The following AKAP12 variants were observed in gnomAD, a reference collection of about 807,000 sequenced individuals.
The protein encoded by AKAP12 is A-kinase anchor protein 12.
AKAP12 carries 32 observed loss-of-function variants against 79.9 expected under a neutral mutation model. The ratio of observed to expected loss-of-function variants is 0.40; its 90% confidence interval spans 0.30 to 0.54. AKAP12 has a LOEUF of 0.54. Ranked by LOEUF, AKAP12 falls within the 20% of genes least tolerant of loss-of-function variation. The pLI, the probability that AKAP12 is intolerant of heterozygous loss-of-function variation, is 0.48. For missense variants in AKAP12, 2,074 were observed against 2,177.0 expected (o/e 0.95, Z 0.94); for synonymous variants, 808 against 857.0 (o/e 0.94, Z 1.00).
intron 2 of AKAP12, among the ~76,000 whole-genome samples, chr6:151,241,477 G>A (rs915478092): frequency 7.2e-5 from 11 of 152,236 alleles, no homozygotes; most frequent in African/African-American, 2.4e-4. Flanking sequence ...CTCAAAGGAT[G>A]GGGTCAGTGT....
At chr6:151,305,935 A>T (rs1227798931) in intron 3 of AKAP12, 32 bp downstream of exon 3, 1 of 1,573,916 alleles carries the variant, frequency 6.4e-7, no homozygotes, top group Admixed American at 1.9e-5. Flanking sequence ...TGGAAGGCAC[A>T]CAGCACTTGC....
At position 151,245,897 on chromosome 6, in the gene AKAP12, C is replaced by T. The variant is rs191117831; in HGVS notation, c.162+5173C>T. On this transcript the variant is annotated intron_variant, in intron 2 of 4. Coordinates refer to ENST00000402676, the MANE Select transcript of AKAP12 (RefSeq NM_005100.4). The stretch of plus-strand genomic sequence containing the variant: ...CACATGAAAGTAGATAAAAATGGCA[C>T]AGTCTTTTCCATTTAAGAAAAAGAT... 2.0e-5 allele frequency among the ~76,000 whole-genome samples: 3 copies of T among 152,196 alleles called. No homozygotes were observed. In the East Asian group the frequency reaches 5.8e-4, roughly 29 times the overall value.
Position 151,325,625 on chromosome 6 carries a change from G to T in AKAP12, c.319+19722G>T, listed in dbSNP as rs1315913760. On this transcript the variant is annotated intron_variant, in intron 3 of 4. Coordinates refer to ENST00000402676, the MANE Select transcript of AKAP12 (RefSeq NM_005100.4). The stretch of plus-strand genomic sequence containing the variant: ...CCCGCGTGTGGGTGGCTGGGTGGGG[G>T]CGTGGGTGGGGGTCCGCCTATAATT... 4 of 1,375,646 alleles carry T rather than the reference G, an allele frequency of 2.9e-6. No individual in the cohort carries two copies. The African/African-American group carries it at 5.9e-5, about 20-fold the overall frequency. The allele number at this position is 1,375,646 out of a possible 1,614,324, so 85.2% of individuals were successfully genotyped here. A position where few individuals can be genotyped will look rare whatever the true frequency, so the allele number is the denominator to read the frequency against.
chr6:151,333,059 C>G (rs1327842171), intron 3 of AKAP12, among the ~76,000 whole-genome samples: 1 of 152,136 alleles, frequency 6.6e-6, no homozygotes, highest in East Asian at 1.9e-4. Flanking sequence ...ATCAGTGATC[C>G]CAAATCAAAG....
At position 151,305,186 on chromosome 6, in the gene AKAP12, T is replaced by TA. The variant is rs1284129667; in HGVS notation, c.163-557dup. On this transcript the variant is annotated intron_variant, in intron 2 of 4. Transcript: ENST00000402676. Reference sequence around the variant, plus strand: ...TCAGGGCTGTTTTTTTTTTTTTTTTTAAAACCTACTTGATTCATTCTCAAG... The same window carrying TA: ...TCAGGGCTGTTTTTTTTTTTTTTTTTAAAAACCTACTTGATTCATTCTCAAG... Among the ~76,000 whole-genome samples the TA allele has an allele frequency of 6.9e-5, 10 of 145,862 alleles. No individual in the cohort carries two copies. The South Asian group carries it at 8.4e-4, about 12-fold the overall frequency.
chr6:151,254,633 G>C lies in AKAP12; in HGVS notation c.162+13909G>C, dbSNP rs556698046. The stretch of plus-strand genomic sequence containing the variant: ...TGGGATCAAAGGTGTGAACCACTGC[G>C]CCTGGCCTTAGATCAGTCTTCATTT... On this transcript the variant is annotated intron_variant, in intron 2 of 4. Transcript: ENST00000402676. Among the ~76,000 whole-genome samples the C allele has an allele frequency of 2.0e-5, 3 of 152,240 alleles. No homozygotes were observed. In the South Asian group the frequency reaches 6.2e-4, roughly 32 times the overall value.
chr6:151,289,970 G>T (rs1249244374), intron 2 of AKAP12, among the ~76,000 whole-genome samples: 1 of 152,140 alleles, frequency 6.6e-6, no homozygotes, highest in Admixed American at 6.5e-5. Context: ...GTTATGGCTG[G>T]CATTTTGCTT....
In AKAP12 at chr6:151,327,415, A is replaced by C. The variant is rs375722966; in HGVS notation, c.320-21296A>C. On this transcript the variant is annotated intron_variant, in intron 3 of 4. Coordinates refer to ENST00000402676, the MANE Select transcript of AKAP12 (RefSeq NM_005100.4). Reference sequence around the variant, plus strand: ...CAAAATGAAAAAAATTTAAAACACAAAAATCTCCATTTTTTCCCCCAGATC... The same window carrying C: ...CAAAATGAAAAAAATTTAAAACACACAAATCTCCATTTTTTCCCCCAGATC... Among the ~76,000 whole-genome samples, 21 of 152,304 alleles carry C rather than the reference A, an allele frequency of 1.4e-4. 1 individual carries two copies. In the South Asian group the frequency reaches 4.4e-3, roughly 32 times the overall value.
intron 3 of AKAP12, among the ~76,000 whole-genome samples, chr6:151,328,636 CAAA>C (rs113704575): frequency 4.6e-4 from 54 of 116,510 alleles, no homozygotes; most frequent in African/African-American, 1.4e-3. Context: ...GACTCCGTCT[CAAA>C]AAAAAAAAAA....
chr6:151,260,618 G>C (rs1797408122), intron 2 of AKAP12, among the ~76,000 whole-genome samples: 1 of 152,214 alleles, frequency 6.6e-6, no homozygotes, highest in African/African-American at 2.4e-5. Context: ...TCATGGTTTA[G>C]AGGTGGCTAA....
intron 3 of AKAP12, chr6:151,325,901 G>A (rs765208083): frequency 6.2e-7 from 1 of 1,614,224 alleles, no homozygotes; most frequent in East Asian, 2.2e-5. Flanking sequence ...GCACAAGCCA[G>A]GTCGCTTTTG....
At chr6:151,323,687 G>C in intron 3 of AKAP12, 3 of 984,686 alleles carry the variant, frequency 3.0e-6, no homozygotes, top group Non-Finnish European at 3.6e-6. Context: ...TGTGTAACTA[G>C]TGACATTTTG....
At chr6:151,302,019 C>CT (rs373016759) in intron 2 of AKAP12, among the ~76,000 whole-genome samples, 57 of 139,206 alleles carry the variant, frequency 4.1e-4, no homozygotes, top group East Asian at 1.1e-3. Flanking sequence ...TTTTTTTTTT[C>CT]TTTTTTTTTT....
intron 2 of AKAP12, among the ~76,000 whole-genome samples, chr6:151,305,215 T>C (rs1776953786): frequency 6.6e-6 from 1 of 151,568 alleles, no homozygotes; most frequent in African/African-American, 2.4e-5. Context: ...TCTCAAGGGC[T>C]CTGTTTATTG....
chr6:151,325,749 C>A, intron 3 of AKAP12: 2 of 1,580,352 alleles, frequency 1.3e-6, no homozygotes, highest in Admixed American at 1.8e-5. Context: ...GCGCTCAGTC[C>A]GCTCTGATCC....
intron 3 of AKAP12, among the ~76,000 whole-genome samples, chr6:151,332,033 G>GC (rs1777686370): frequency 7.5e-5 from 6 of 79,690 alleles, no homozygotes; most frequent in East Asian, 8.8e-4. Context: ...TTCTGGGTCT[G>GC]TTTTTTTTTT....
rs9478198 is a variant in AKAP12 at position 151,352,278 on chromosome 6, G to T, written c.3887G>T (p.Arg1296Leu). The stretch of plus-strand genomic sequence containing the variant: ...ATAGACACAGGCATAACAGTCAGTC[G>T]GGAAAAGGTCACTGAAGTTGCCCTT... ...GSIDTGITVS[R>L]EKVTEVALKG... Residue 1296 changes from arginine to leucine, a missense_variant, in exon 4 of 5, where the codon CGG (arginine) becomes CTG (leucine). Physicochemically the swap from Arg to Leu is moderately radical, Grantham distance 102 (BLOSUM62 -2). Transcript: ENST00000402676. 11,437 of 1,614,166 alleles carry T rather than the reference G, an allele frequency of 7.1e-3. 57 individuals carry two copies. Among genetic ancestry groups the T allele is most frequent in the Non-Finnish European group, 8.3e-3 (9,836 of 1,180,040 alleles).
intron 2 of AKAP12, among the ~76,000 whole-genome samples, chr6:151,297,342 C>T (rs1324800097): frequency 6.6e-6 from 1 of 151,628 alleles, no homozygotes; most frequent in African/African-American, 2.4e-5. Flanking sequence ...TTTGGGAGGC[C>T]GAGGCGGGTG....
chr6:151,255,413 G>A (rs1370515702), intron 2 of AKAP12, among the ~76,000 whole-genome samples: 2 of 151,550 alleles, frequency 1.3e-5, no homozygotes, highest in Admixed American at 6.6e-5. Flanking sequence ...CACCTGCCTC[G>A]GCTTCCCAAA....
Sources: gnomAD v4.1 joint callset for allele counts (sites outside exome capture counted in the v4.1 genomes callset) on GRCh38, gnomAD v4.1.1 for gene constraint, MANE v1.5 for transcripts, NCBI Gene and HGNC (gene_info 2026-07-23, HGNC 2026-07-21) for gene names.